CHD8: variants seen among roughly 807,000 people sequenced by gnomAD.
CHD8 encodes chromodomain helicase DNA binding protein 8.
Under a neutral mutation model 279.2 loss-of-function variants are expected in CHD8, and 31 were observed. The ratio of observed to expected loss-of-function variants is 0.11; its 90% CI spans 0.08 to 0.15. CHD8 has a LOEUF of 0.15. Among genes scored for constraint, CHD8 ranks in the 10% least tolerant of loss-of-function variants. The pLI, the probability that CHD8 is intolerant of heterozygous loss-of-function variation, is 1.00. For synonymous variants in CHD8, 1,081 were observed against 1,139.6 expected (o/e 0.95, Z 1.04); for missense variants, 2,146 against 3,230.5 (o/e 0.66, Z 8.14).
At chr14:21,423,534 C>T (rs561552591) in intron 5 of CHD8, among the ~76,000 whole-genome samples, 6 of 151,168 alleles carry the variant, frequency 4.0e-5, no homozygotes, top group East Asian at 3.9e-4. Context: ...TTTTTTTTGG[C>T]GGGGGGAGTC....
At position 21,385,950 on chromosome 14, in the gene CHD8, A is replaced by G. The variant is rs954740391; in HGVS notation, c.7409T>C (p.Leu2470Ser). The G allele has an allele frequency of 6.4e-7, 1 of 1,557,758 alleles. No individual in the cohort carries two copies. The highest frequency in any genetic ancestry group is 8.7e-7 in the Non-Finnish European group (1 of 1,150,062). ...LGHSSATSAS[L>S]PFMPFVMGGA... The stretch of plus-strand genomic sequence containing the variant: ...ACCCATCACAAATGGCATAAAAGGC[A>G]AAGATGCAGAAGTGGCACTGCTGTG... The change falls in exon 38 of 38, where the codon TTG becomes TCG. Residue 2470 changes from leucine to serine, a missense_variant. Leu to Ser is a moderately radical substitution (Grantham distance 145). Transcript: ENST00000646647.
intron 3 of CHD8, among the ~76,000 whole-genome samples, chr14:21,428,610 C>T (rs1350848702): frequency 2.0e-5 from 3 of 152,014 alleles, no homozygotes; most frequent in Admixed American, 6.6e-5. Flanking sequence ...TCTGCCTGGG[C>T]GGGGAGAGGG....
rs1555314400 is a variant in CHD8, at chr14:21,400,599, G to A, written c.4384C>T (p.Arg1462Ter). ...AAGCGTCCATGAGATAAAATATCTC[G>A]CCATCGTCCCCAACTAAAAAACAGA... ...HLLVYGWGRW[R>*]DILSHGRFKR... The change falls in exon 23 of 38, where the codon CGA becomes TGA. Residue 1462 changes from arginine to a stop codon, truncating the protein, a stop_gained. Transcript: ENST00000646647. LOFTEE classifies it high-confidence loss of function. This position sits in a 1 kb window ranked among gnomAD's most constrained non-coding sequence, Gnocchi z 4.2. The A allele has an allele frequency of 6.3e-7, 1 of 1,576,176 alleles. No individual in the cohort carries two copies.
At chr14:21,437,360 G>T in intron 1 of CHD8, 1 of 803,912 alleles carries the variant, frequency 1.2e-6, no homozygotes, top group Non-Finnish European at 1.6e-6. Context: ...AGCGCAAAGG[G>T]TGGGACTATA....
Position 21,454,292 on chromosome 14 carries a change from C to CATA in CHD8, c.-216+1737_-216+1739dup, listed in dbSNP as rs141611321. 5.0e-3 allele frequency among the ~76,000 whole-genome samples: 768 copies of CATA among 152,254 alleles called. 7 individuals are homozygous for CATA. Among genetic ancestry groups the CATA allele is most frequent in the African/African-American group, 0.017 (713 of 41,550 alleles). ...AGAATACAAAAACTGTTCAAGTACT[C>CATA]ATACACTGTTCCATTATATCCCTTA... On this transcript the variant is annotated intron_variant, in intron 1 of 37. Transcript: ENST00000646647.
intron 5 of CHD8, among the ~76,000 whole-genome samples, chr14:21,417,507 G>A (rs1439512734): frequency 6.6e-6 from 1 of 152,020 alleles, no homozygotes; most frequent in Non-Finnish European, 1.5e-5. Context: ...CTCAAGCCCA[G>A]GTGTTCAAGA....
chr14:21,442,600 G>A (rs1890003361), intron 1 of CHD8, among the ~76,000 whole-genome samples: 1 of 148,862 alleles, frequency 6.7e-6, no homozygotes, highest in South Asian at 2.2e-4. Flanking sequence ...ATTCCAGCCT[G>A]GGTGACAGAG....
chr14:21,434,487 C>T (rs192509716), intron 1 of CHD8, among the ~76,000 whole-genome samples: 11 of 151,984 alleles, frequency 7.2e-5, no homozygotes, highest in Admixed American at 3.9e-4. Flanking sequence ...AATCTTAGGC[C>T]CAGATTTTTT....
intron 1 of CHD8, among the ~76,000 whole-genome samples, chr14:21,438,441 G>C (rs915582851): frequency 2.0e-5 from 3 of 150,634 alleles, no homozygotes; most frequent in African/African-American, 7.3e-5. Context: ...TAGAGAGGCC[G>C]AGGTGGGCAG....
In CHD8 at chr14:21,394,906, T is replaced by C. The variant is rs778452195; in HGVS notation, c.5390+6A>G. On this transcript the variant is annotated splice_donor_region_variant and intron_variant, in intron 30 of 37. Coordinates refer to ENST00000646647, the MANE Select transcript of CHD8 (RefSeq NM_001170629.2). ...AGATCAGCACAAGTTCCCAGCTATATTTTACCGTTGTTGTTTCTCCCGCCG... is the reference window on the plus strand; with the variant it reads ...AGATCAGCACAAGTTCCCAGCTATACTTTACCGTTGTTGTTTCTCCCGCCG... The C allele has an allele frequency of 2.5e-6, 4 of 1,613,332 alleles. No individual in the cohort carries two copies. The highest frequency in any genetic ancestry group is 4.5e-5 in the East Asian group (2 of 44,882).
intron 5 of CHD8, chr14:21,425,382 T>C (rs1216028366): frequency 6.7e-6 from 1 of 149,434 alleles, no homozygotes; most frequent in Non-Finnish European, 1.5e-5. Context: ...TGGAGTGCAA[T>C]GGTACAATCT....
intron 29 of CHD8, 24 bp from the exon 30 acceptor site, chr14:21,395,143 A>T (rs1222917602): frequency 1.2e-6 from 2 of 1,604,574 alleles, no homozygotes; most frequent in Non-Finnish European, 1.7e-6. Context: ...AGTAGAATGA[A>T]TAGGAAGTAT....
Position 21,400,375 on chromosome 14 carries a change from A to C in CHD8, c.4570+38T>G, listed in dbSNP as rs749747896. On this transcript the variant is annotated intron_variant, in intron 23 of 37. Transcript: ENST00000646647. The surrounding 1 kb of genome is among the most constrained non-coding windows in gnomAD (Gnocchi z 4.2). ...CTTGGACCTGAAAAGGATTAGATTAACCTATAGAAAAACATAAAGTAAAGA... is the reference window on the plus strand; with the variant it reads ...CTTGGACCTGAAAAGGATTAGATTACCCTATAGAAAAACATAAAGTAAAGA... The C allele has an allele frequency of 6.3e-7, 1 of 1,599,394 alleles. No homozygotes were observed.
chr14:21,431,755 A>G lies in CHD8; in HGVS notation c.-112T>C. ...AAGAAAAAAATGTACACAATGTAAG[A>G]GGACTACTCTTCAAGTATAGAGGCA... On this transcript the variant is annotated 5_prime_UTR_variant, in exon 2 of 38. Coordinates refer to ENST00000646647, the MANE Select transcript of CHD8 (RefSeq NM_001170629.2). 6.2e-7 allele frequency: 1 copy of G among 1,612,956 alleles called. No individual in the cohort carries two copies. Among genetic ancestry groups the G allele is most frequent in the Non-Finnish European group, 8.5e-7 (1 of 1,179,080 alleles).
At chr14:21,389,066 C>T (rs1028297482) in intron 37 of CHD8, among the ~76,000 whole-genome samples, 43 of 152,148 alleles carry the variant, frequency 2.8e-4, no homozygotes, top group African/African-American at 1.0e-3. Context: ...CTTTGGGAGG[C>T]TGAGGCGGGT....
At chr14:21,404,529 C>T (rs553682198) in intron 16 of CHD8, among the ~76,000 whole-genome samples, 53 of 151,652 alleles carry the variant, frequency 3.5e-4, no homozygotes, top group African/African-American at 1.2e-3. Context: ...AGATGGAACA[C>T]ACTATCAGCA....
intron 8 of CHD8, 76 bp downstream of exon 8, chr14:21,414,862 C>T (rs928631898): frequency 2.7e-6 from 3 of 1,090,962 alleles, no homozygotes; most frequent in Non-Finnish European, 4.1e-6. Context: ...GACACATTCC[C>T]ACCCAGGATA....
rs7141803 is a variant in CHD8, at chr14:21,407,317, C to T, written c.2731-285G>A. On this transcript the variant is annotated intron_variant, in intron 13 of 37. Coordinates refer to ENST00000646647, the MANE Select transcript of CHD8 (RefSeq NM_001170629.2). Reference sequence around the variant, plus strand: ...ATGCCTAGCTCATGTATCTCTGCCCCAGATCTTTTGTTGATTAACAATGAA... The same window carrying T: ...ATGCCTAGCTCATGTATCTCTGCCCTAGATCTTTTGTTGATTAACAATGAA... Among the ~76,000 whole-genome samples, 10,870 of 152,122 alleles carry T rather than the reference C, an allele frequency of 0.071. 826 individuals carry two copies. Among genetic ancestry groups the T allele is most frequent in the African/African-American group, 0.19 (8,065 of 41,468 alleles).
chr14:21,395,238 T>C (rs773803416), intron 29 of CHD8, 60 bp downstream of exon 29: 100 of 1,536,100 alleles, frequency 6.5e-5, no homozygotes, highest in Non-Finnish European at 8.9e-5. Flanking sequence ...CAGAATTCAG[T>C]GAATAATTCC....
Sources: allele counts gnomAD v4.1 joint callset (sites outside exome capture counted in the v4.1 genomes callset), GRCh38; gene constraint gnomAD v4.1.1; non-coding constraint Gnocchi (gnomAD v3.1); transcripts MANE v1.5; gene names NCBI Gene and HGNC (gene_info 2026-07-23, HGNC 2026-07-21).